CACNA2D1: variants seen among roughly 807,000 people sequenced by gnomAD.
CACNA2D1 encodes the protein voltage-dependent calcium channel subunit alpha-2/delta-1.
A neutral mutation model predicts 171.5 loss-of-function variants in CACNA2D1; 53 were observed. That is an observed-to-expected ratio of 0.31 (90% CI 0.25 to 0.39). CACNA2D1 has a LOEUF of 0.39. Ranked by LOEUF, CACNA2D1 falls within the 10% of genes least tolerant of loss-of-function variation. CACNA2D1 has a pLI of 1.00. For missense variants in CACNA2D1, 903 were observed against 1,299.8 expected (o/e 0.69, Z 4.69); for synonymous variants, 442 against 443.1 (o/e 1.00, Z 0.03).
intron 3 of CACNA2D1, among the ~76,000 whole-genome samples, chr7:82,179,919 C>T (rs1796939579): frequency 9.2e-6 from 1 of 108,608 alleles, no homozygotes. Flanking sequence ...TTACATACAC[C>T]TGAGAGAAAA....
chr7:82,439,717 G>A (rs927717773), intron 1 of CACNA2D1, among the ~76,000 whole-genome samples: 4 of 150,884 alleles, frequency 2.7e-5, no homozygotes, highest in Admixed American at 6.6e-5. Flanking sequence ...TACTACTTAC[G>A]TGGAAAAATA....
chr7:82,222,577 C>T (rs1043087291), intron 3 of CACNA2D1, among the ~76,000 whole-genome samples: 5 of 152,134 alleles, frequency 3.3e-5, no homozygotes, highest in African/African-American at 1.2e-4. Flanking sequence ...AGAGCTATCA[C>T]GAATGCTTTC....
At chr7:82,191,531 T>C (rs556806959) in intron 3 of CACNA2D1, among the ~76,000 whole-genome samples, 43 of 151,976 alleles carry the variant, frequency 2.8e-4, no homozygotes, top group Admixed American at 1.4e-3. Flanking sequence ...CAAAGGCAAG[T>C]TGCTTTGACA....
intron 1 of CACNA2D1, among the ~76,000 whole-genome samples, chr7:82,432,745 G>A (rs1298754131): frequency 2.0e-5 from 3 of 152,180 alleles, no homozygotes. Context: ...CCAATAGAGT[G>A]GGGCAGTAAA....
chr7:82,032,884 T>G lies in CACNA2D1; in HGVS notation c.1056A>C (p.Ala352=). The change falls in exon 12 of 39, where the codon GCA becomes GCC. Residue 352 remains alanine, a synonymous_variant. Coordinates refer to ENST00000356860, the MANE Select transcript of CACNA2D1 (RefSeq NM_000722.4). ...EQLLNYNVSR[A]NCNKIIMLFT... ...ATAGCATAATAATCTTATTGCAGTTTGCTCTGGAAACATTATACTGTTAAA... is the reference window on the plus strand; with the variant it reads ...ATAGCATAATAATCTTATTGCAGTTGGCTCTGGAAACATTATACTGTTAAA... 6.3e-7 allele frequency: 1 copy of G among 1,592,630 alleles called. No homozygotes were observed. The highest frequency in any genetic ancestry group is 8.6e-7 in the Non-Finnish European group (1 of 1,161,598).
chr7:81,998,410 C>A (rs893201784), intron 18 of CACNA2D1, among the ~76,000 whole-genome samples: 1 of 151,914 alleles, frequency 6.6e-6, no homozygotes, highest in Non-Finnish European at 1.5e-5. Flanking sequence ...ATTTTAAGCA[C>A]TGTTTTAGGA....
chr7:82,178,862 C>T (rs1465803673), intron 3 of CACNA2D1, among the ~76,000 whole-genome samples: 1 of 152,122 alleles, frequency 6.6e-6, no homozygotes, highest in African/African-American at 2.4e-5. Context: ...AGTTCTTTCA[C>T]ATCTGCGCAC....
At chr7:82,269,217 T>A (rs1289228702) in intron 3 of CACNA2D1, among the ~76,000 whole-genome samples, 1 of 152,186 alleles carries the variant, frequency 6.6e-6, no homozygotes, top group African/African-American at 2.4e-5. Flanking sequence ...GCTTCCTGCA[T>A]CTGATTTTGA....
chr7:82,042,710 C>A (rs1400358426), intron 10 of CACNA2D1, among the ~76,000 whole-genome samples: 1 of 152,116 alleles, frequency 6.6e-6, no homozygotes, highest in Non-Finnish European at 1.5e-5. Flanking sequence ...TTCCACATCT[C>A]TTGTTCCTTC....
chr7:82,393,083 AAGGC>A lies in CACNA2D1; in HGVS notation c.96-43438_96-43435del, dbSNP rs1204828684. 3.4e-3 allele frequency among the ~76,000 whole-genome samples: 279 copies of A among 82,374 alleles called. 7 individuals carry two copies. Among genetic ancestry groups the A allele is most frequent in the African/African-American group, 8.8e-3 (166 of 18,882 alleles). 54.0% of individuals were successfully genotyped at this position (82,374 alleles called of 152,430 possible). The stretch of plus-strand genomic sequence containing the variant: ...GAAGGAAGGAAGGAAGGAAGGAAGG[AAGGC>A]AGGCAGGCAGGCAGGCAGGCAGGCA... On this transcript the variant is annotated intron_variant, in intron 1 of 38. Coordinates refer to ENST00000356860, the MANE Select transcript of CACNA2D1 (RefSeq NM_000722.4).
At chr7:81,997,855 T>G (rs1163545309) in intron 18 of CACNA2D1, among the ~76,000 whole-genome samples, 1 of 151,938 alleles carries the variant, frequency 6.6e-6, no homozygotes, top group Non-Finnish European at 1.5e-5. Flanking sequence ...TAAGATAAAT[T>G]TTGTGGTTGT....
intron 3 of CACNA2D1, among the ~76,000 whole-genome samples, chr7:82,318,467 TA>T (rs1815377133): frequency 6.6e-6 from 1 of 152,140 alleles, no homozygotes; most frequent in Non-Finnish European, 1.5e-5. Context: ...ACAGTGAGAT[TA>T]ACAAAAACTC....
At chr7:82,013,671 A>C (rs1166369347) in intron 13 of CACNA2D1, among the ~76,000 whole-genome samples, 161 bp from the exon 14 acceptor site, 1 of 151,910 alleles carries the variant, frequency 6.6e-6, no homozygotes, top group Non-Finnish European at 1.5e-5. Flanking sequence ...AGGATGGTTA[A>C]TGAATCTTCA....
At position 81,949,627 on chromosome 7, in the gene CACNA2D1, C is replaced by T. The variant is rs188943985; in HGVS notation, c.*765G>A. The T allele has an allele frequency of 6.6e-6, 1 of 152,072 alleles. No homozygotes were observed. The highest frequency in any genetic ancestry group is 1.5e-5 in the Non-Finnish European group (1 of 68,040). 9.4% of individuals were successfully genotyped at this position (152,072 alleles called of 1,614,324 possible). The stretch of plus-strand genomic sequence containing the variant: ...ATAACTGTACTGTGAACAAAAGGAA[C>T]ATTACATCAAAGCATTTATTAAGGG... On this transcript the variant is annotated 3_prime_UTR_variant, in exon 39 of 39. Transcript: ENST00000356860.
chr7:82,138,750 A>T (rs2129083307), intron 4 of CACNA2D1, among the ~76,000 whole-genome samples: 1 of 152,160 alleles, frequency 6.6e-6, no homozygotes, highest in Admixed American at 6.5e-5. Context: ...CCGACCTTAT[A>T]GCATTATTTT....
chr7:81,953,932 CTG>C (rs956348111), intron 38 of CACNA2D1, among the ~76,000 whole-genome samples: 3 of 151,818 alleles, frequency 2.0e-5, no homozygotes, highest in Admixed American at 6.6e-5. Context: ...TGAGATATGT[CTG>C]TTTCTATTTG....
intron 3 of CACNA2D1, among the ~76,000 whole-genome samples, chr7:82,222,644 ACTTT>A (rs944343341): frequency 6.6e-6 from 1 of 152,070 alleles, no homozygotes; most frequent in Admixed American, 6.6e-5. Context: ...ACTGCTTTTG[ACTTT>A]CTAATACAAC....
intron 6 of CACNA2D1, among the ~76,000 whole-genome samples, chr7:82,095,858 T>C (rs1335996378): frequency 6.6e-6 from 1 of 152,202 alleles, no homozygotes; most frequent in South Asian, 2.1e-4. Context: ...TCCATTCAAA[T>C]GTCCATTTAA....
At chr7:82,238,729 T>C (rs1438265160) in intron 3 of CACNA2D1, among the ~76,000 whole-genome samples, 6 of 152,220 alleles carry the variant, frequency 3.9e-5, no homozygotes, top group Non-Finnish European at 7.4e-5. Flanking sequence ...TAGACACTTT[T>C]GTATCGTCAG....
Sources: gnomAD v4.1 joint callset for allele counts (sites outside exome capture counted in the v4.1 genomes callset) on GRCh38, gnomAD v4.1.1 for gene constraint, MANE v1.5 for transcripts, NCBI Gene and HGNC (gene_info 2026-07-23, HGNC 2026-07-21) for gene names.